SRGAP3: variants seen among roughly 807,000 people sequenced by gnomAD.
The protein encoded by SRGAP3 is SLIT-ROBO Rho GTPase-activating protein 3.
A neutral mutation model predicts 121.1 loss-of-function variants in SRGAP3; 39 were observed. That is an observed-to-expected ratio of 0.32 (90% CI 0.25 to 0.42). The LOEUF is 0.42. Among genes scored for constraint, SRGAP3 ranks in the 10% least tolerant of loss-of-function variants. SRGAP3 has a pLI of 1.00. For missense variants in SRGAP3, 1,213 were observed against 1,470.6 expected, an observed-to-expected ratio of 0.82 and a Z score of 2.86; for synonymous variants, 601 against 570.0, an observed-to-expected ratio of 1.05 and a Z score of -0.77.
intron 1 of SRGAP3, among the ~76,000 whole-genome samples, chr3:9,145,089 G>GTTTATTTA (rs369462537): frequency 6.6e-6 from 1 of 151,596 alleles, no homozygotes; most frequent in Non-Finnish European, 1.5e-5. Flanking sequence ...TCTCTCTGTT[G>GTTTATTTA]TTTATTTATT....
At chr3:8,998,210 T>C (rs1395976894) in intron 18 of SRGAP3, among the ~76,000 whole-genome samples, 2 of 152,234 alleles carry the variant, frequency 1.3e-5, no homozygotes, top group African/African-American at 4.8e-5. Flanking sequence ...TTGATGCTTT[T>C]AAAACAGACA....
intron 1 of SRGAP3, among the ~76,000 whole-genome samples, chr3:9,149,369 T>G (rs921898811): frequency 6.6e-6 from 1 of 152,196 alleles, no homozygotes; most frequent in Admixed American, 6.5e-5. Context: ...CCCAGGACTT[T>G]TGATGTCCCA....
At chr3:9,148,441 G>C (rs943240374) in intron 1 of SRGAP3, among the ~76,000 whole-genome samples, 2 of 152,200 alleles carry the variant, frequency 1.3e-5, no homozygotes, top group African/African-American at 4.8e-5. Context: ...TTTCAGAACA[G>C]TTTACTCCCA....
At chr3:9,052,835 C>T (rs929688599) in intron 9 of SRGAP3, among the ~76,000 whole-genome samples, 192 bp downstream of exon 9, 1 of 152,146 alleles carries the variant, frequency 6.6e-6, no homozygotes, top group East Asian at 1.9e-4. Flanking sequence ...GCCAATGCTA[C>T]CCATTGGGAA....
Position 9,261,632 on chromosome 3 carries a change from T to G in SRGAP3, n.442+64378A>C, listed in dbSNP as rs189015871. 5.8e-4 allele frequency among the ~76,000 whole-genome samples: 88 copies of G among 150,492 alleles called. 3 individuals carry two copies. The highest frequency in any genetic ancestry group is 5.9e-5 in the Non-Finnish European group (4 of 67,808). On this transcript the variant is annotated intron_variant and non_coding_transcript_variant, in intron 3 of 3. Transcript: ENST00000490889. ...GAAGATGAACTTAATGAAATAAGCATGAAGACAAGATTAGAGAAAAAAGAA... is the reference window on the plus strand; with the variant it reads ...GAAGATGAACTTAATGAAATAAGCAGGAAGACAAGATTAGAGAAAAAAGAA...
intron 3 of SRGAP3, among the ~76,000 whole-genome samples, chr3:9,092,261 C>T (rs1050263195): frequency 6.6e-6 from 1 of 151,986 alleles, no homozygotes; most frequent in African/African-American, 2.4e-5. Flanking sequence ...CTGACATGGT[C>T]AGGCTAGGAG....
chr3:9,075,885 G>T (rs371448991), intron 4 of SRGAP3, among the ~76,000 whole-genome samples: 1 of 152,194 alleles, frequency 6.6e-6, no homozygotes, highest in African/African-American at 2.4e-5. Flanking sequence ...ACATAGTGCC[G>T]CCAGCAGCTG....
At chr3:9,090,994 G>T (rs1007427852) in intron 3 of SRGAP3, among the ~76,000 whole-genome samples, 4 of 151,692 alleles carry the variant, frequency 2.6e-5, no homozygotes, top group African/African-American at 9.7e-5. Context: ...ACTCAAAGAC[G>T]GGTCATTTCC....
At chr3:9,069,242 G>A (rs571990876) in intron 4 of SRGAP3, among the ~76,000 whole-genome samples, 27 of 152,334 alleles carry the variant, frequency 1.8e-4, no homozygotes, top group African/African-American at 6.0e-4. Context: ...ACTACTTGCT[G>A]GGTAGCTGTG....
chr3:9,128,214 T>G (rs556089698), intron 1 of SRGAP3, among the ~76,000 whole-genome samples: 1 of 152,348 alleles, frequency 6.6e-6, no homozygotes, highest in Admixed American at 6.5e-5. Flanking sequence ...ATGAGAAGCA[T>G]TTCCCATACA....
intron 1 of SRGAP3, among the ~76,000 whole-genome samples, chr3:9,220,285 C>T (rs764769758): frequency 1.4e-5 from 2 of 144,812 alleles, no homozygotes; most frequent in Non-Finnish European, 3.0e-5. Flanking sequence ...TATCAGAATA[C>T]CACATGTACC....
At chr3:9,229,943 T>C (rs1953137649) in intron 1 of SRGAP3, among the ~76,000 whole-genome samples, 1 of 152,214 alleles carries the variant, frequency 6.6e-6, no homozygotes, top group Non-Finnish European at 1.5e-5. Flanking sequence ...TATTCTGGCC[T>C]GAATGCTTTA....
intron 1 of SRGAP3, among the ~76,000 whole-genome samples, chr3:9,163,437 C>T (rs566775667): frequency 6.0e-4 from 91 of 152,326 alleles, no homozygotes; most frequent in Non-Finnish European, 1.0e-3. Flanking sequence ...GACATTTGCT[C>T]GGCTTTTGGT....
intron 1 of SRGAP3, among the ~76,000 whole-genome samples, chr3:9,191,643 T>TG (rs1263471349): frequency 2.0e-5 from 3 of 152,198 alleles, no homozygotes; most frequent in African/African-American, 7.2e-5. Flanking sequence ...GTCATGAATG[T>TG]GCAAGCTAAA....
chr3:9,096,230 A>G (rs1434360494), intron 3 of SRGAP3, among the ~76,000 whole-genome samples: 1 of 152,248 alleles, frequency 6.6e-6, no homozygotes, highest in Non-Finnish European at 1.5e-5. Context: ...CTAATTCTGA[A>G]TAATTTGTAG....
chr3:9,090,545 T>G (rs1356923443), intron 3 of SRGAP3, among the ~76,000 whole-genome samples: 1 of 152,242 alleles, frequency 6.6e-6, no homozygotes, highest in Non-Finnish European at 1.5e-5. Flanking sequence ...TTGTTTTCAA[T>G]GCAGGGATCA....
chr3:9,058,150 G>C, intron 7 of SRGAP3, 101 bp downstream of exon 7: 1 of 1,307,592 alleles, frequency 7.6e-7, no homozygotes. Context: ...CCCAGGCGTC[G>C]GATAGAAACT....
intron 18 of SRGAP3, among the ~76,000 whole-genome samples, chr3:8,996,893 G>C (rs1218508018): frequency 1.3e-5 from 2 of 152,188 alleles, no homozygotes; most frequent in Admixed American, 1.3e-4. Flanking sequence ...CTGATACTCA[G>C]AGGGGCACAG....
chr3:9,183,337 G>T (rs2125125156), intron 1 of SRGAP3, among the ~76,000 whole-genome samples: 1 of 152,296 alleles, frequency 6.6e-6, no homozygotes, highest in East Asian at 1.9e-4. Flanking sequence ...CTTGAAAGCA[G>T]ATTATAAATG....
Sources: gnomAD v4.1 joint callset for allele counts (sites outside exome capture counted in the v4.1 genomes callset) on GRCh38, gnomAD v4.1.1 for gene constraint, MANE v1.5 for transcripts, NCBI Gene and HGNC (gene_info 2026-07-23, HGNC 2026-07-21) for gene names.